The following NPIPB2 variants were observed in gnomAD, a reference collection of about 807,000 sequenced individuals.
The protein encoded by NPIPB2 is nuclear pore complex interacting protein family member B2, also known as nuclear pore complex-interacting protein family member B2.
A neutral mutation model predicts 30.8 loss-of-function variants in NPIPB2; 27 were observed. The observed-to-expected ratio is 0.88, with a 90% CI of 0.65 to 1.21. The LOEUF is 1.21. Among genes scored for constraint, NPIPB2 ranks in the 50% most tolerant of loss-of-function variants. The pLI is 0.00. For synonymous variants in NPIPB2, 147 were observed against 162.0 expected (o/e 0.91, Z 0.70); for missense variants, 440 against 446.2 (o/e 0.99, Z 0.13).
At chr16:11,927,307 G>C (rs1043035281), downstream of NPIPB2, 14 of 753,962 alleles carry the variant, frequency 1.9e-5, no homozygotes, top group Middle Eastern at 3.0e-4. Flanking sequence ...GTTTGTTTTT[G>C]GAGTGTGGGT....
At chr16:11,956,539 G>T (rs1244107585) in intron 1 of NPIPB2, among the ~76,000 whole-genome samples, 1 of 152,134 alleles carries the variant, frequency 6.6e-6, no homozygotes, top group Non-Finnish European at 1.5e-5. Context: ...AGCTGGGCGT[G>T]GTGGCAGGCA....
rs147794669 is a variant in NPIPB2 at position 11,974,258 on chromosome 16, C to T, written c.-584+2310G>A. ...GCAGACTGGGGTTGGTGGCTCATGCCTGTAATCCCAGCACTTTGGGAGGCC... is the reference window on the plus strand; with the variant it reads ...GCAGACTGGGGTTGGTGGCTCATGCTTGTAATCCCAGCACTTTGGGAGGCC... On this transcript the variant is annotated intron_variant, in intron 1 of 5. Coordinates refer to the NPIPB2 transcript ENST00000538896. Among the ~76,000 whole-genome samples the T allele has an allele frequency of 2.9e-3, 438 of 152,302 alleles. 3 individuals are homozygous for T. Among genetic ancestry groups the T allele is most frequent in the African/African-American group, 1.0e-2 (415 of 41,556 alleles).
chr16:11,938,045 G>C (rs1261526032), intron 1 of NPIPB2, among the ~76,000 whole-genome samples: 1 of 152,190 alleles, frequency 6.6e-6, no homozygotes. Context: ...ACAGAGTTCC[G>C]CTCCACTCAG....
chr16:11,964,245 T>A (rs11570129), intron 1 of NPIPB2, among the ~76,000 whole-genome samples: 1 of 152,060 alleles, frequency 6.6e-6, no homozygotes, highest in African/African-American at 2.4e-5. Context: ...TCTGCTCATC[T>A]GTATTTCTAA....
chr16:11,957,808 G>A (rs974944290), intron 1 of NPIPB2, among the ~76,000 whole-genome samples: 1 of 152,102 alleles, frequency 6.6e-6, no homozygotes, highest in Admixed American at 6.6e-5. Flanking sequence ...CCACTCTTAC[G>A]TGGATTTTCA....
exon 8 of NPIPB2, chr16:11,927,432 G>T (rs2054733319): frequency 2.5e-6 from 3 of 1,194,800 alleles, no homozygotes; most frequent in Non-Finnish European, 3.6e-6. Flanking sequence ...TTGGGCTCGG[G>T]TGATGATGGT....
At chr16:11,964,553 C>T (rs2055178551) in intron 1 of NPIPB2, among the ~76,000 whole-genome samples, 1 of 151,844 alleles carries the variant, frequency 6.6e-6, no homozygotes, top group African/African-American at 2.4e-5. Context: ...TAGCTGGGAT[C>T]ATAGGTGCCT....
exon 1 of NPIPB2, chr16:11,976,622 A>AG (rs2055302916): frequency 5.3e-6 from 2 of 377,380 alleles, no homozygotes; most frequent in Non-Finnish European, 9.2e-6. Context: ...GGGTCCGGCG[A>AG]CTTGGATCTG....
At chr16:11,949,028 G>A (rs2055040071) in intron 1 of NPIPB2, among the ~76,000 whole-genome samples, 2 of 151,768 alleles carry the variant, frequency 1.3e-5, no homozygotes, top group African/African-American at 4.8e-5. Flanking sequence ...TGTAATCCCA[G>A]CTTCTTGTAA....
chr16:11,951,625 TAC>T (rs1214348316), intron 1 of NPIPB2, among the ~76,000 whole-genome samples: 7,170 of 95,858 alleles, frequency 0.075, 262 homozygotes, highest in Admixed American at 0.11. Flanking sequence ...CACATACACA[TAC>T]ACACACACAC....
chr16:11,960,889 C>T (rs1379748516), intron 1 of NPIPB2, among the ~76,000 whole-genome samples: 1 of 148,576 alleles, frequency 6.7e-6, no homozygotes, highest in East Asian at 2.0e-4. Context: ...TTTTTTGAGA[C>T]ACGGTCTCAC....
At chr16:11,966,150 A>T (rs1567479139) in intron 1 of NPIPB2, 1 of 1,534,838 alleles carries the variant, frequency 6.5e-7, no homozygotes, top group Admixed American at 1.9e-5. Flanking sequence ...GTATGTGAAT[A>T]TTATGTTATC....
intron 1 of NPIPB2, among the ~76,000 whole-genome samples, chr16:11,947,106 A>G (rs1295202699): frequency 1.4e-5 from 2 of 146,820 alleles, no homozygotes; most frequent in African/African-American, 2.5e-5. Context: ...AAATTCAATT[A>G]TATATATTTT....
chr16:11,941,557 C>T (rs1372342555), intron 1 of NPIPB2, among the ~76,000 whole-genome samples: 1 of 151,720 alleles, frequency 6.6e-6, no homozygotes, highest in Admixed American at 6.6e-5. Flanking sequence ...AGGGAAGCAA[C>T]AGGACACGCG....
intron 1 of NPIPB2, among the ~76,000 whole-genome samples, chr16:11,940,807 A>C (rs2054928650): frequency 6.7e-6 from 1 of 148,460 alleles, no homozygotes; most frequent in Non-Finnish European, 1.5e-5. Flanking sequence ...GATGACACAA[A>C]TCAAATGACA....
intron 2 of NPIPB2, among the ~76,000 whole-genome samples, chr16:11,936,221 T>C (rs551322431): frequency 1.3e-5 from 2 of 150,510 alleles, no homozygotes; most frequent in East Asian, 4.0e-4. Flanking sequence ...GGGGAATCAC[T>C]TGAAGCCAGG....
At chr16:11,974,891 T>C (rs559368786) in intron 1 of NPIPB2, among the ~76,000 whole-genome samples, 3 of 151,880 alleles carry the variant, frequency 2.0e-5, no homozygotes, top group South Asian at 2.1e-4. Flanking sequence ...GGCTAACACG[T>C]TGAAACCCCG....
At chr16:11,941,126 C>T in intron 1 of NPIPB2, 5 of 1,458,986 alleles carry the variant, frequency 3.4e-6, no homozygotes, top group Non-Finnish European at 4.6e-6. Flanking sequence ...GTGACACAGC[C>T]CAGTAAAAAG....
chr16:11,960,101 T>C (rs1036991807), intron 1 of NPIPB2, among the ~76,000 whole-genome samples: 3 of 152,026 alleles, frequency 2.0e-5, no homozygotes, highest in African/African-American at 7.2e-5. Flanking sequence ...CACTTAGTGA[T>C]TTATCTTTCA....
Sources: gnomAD v4.1 joint callset for allele counts (sites outside exome capture counted in the v4.1 genomes callset) on GRCh38, gnomAD v4.1.1 for gene constraint, MANE v1.5 for transcripts, NCBI Gene and HGNC (gene_info 2026-07-23, HGNC 2026-07-21) for gene names.